The following PLCB1 variants were observed in gnomAD, a reference collection of about 807,000 sequenced individuals.
PLCB1 encodes the protein phospholipase C beta 1.
Under a neutral mutation model 161.8 loss-of-function variants are expected in PLCB1, and 46 were observed. The ratio of observed to expected loss-of-function variants is 0.28; its 90% CI spans 0.22 to 0.36. The LOEUF is 0.36. Ranked by LOEUF, PLCB1 falls within the 10% of genes least tolerant of loss-of-function variation. The pLI is 1.00. For synonymous variants in PLCB1, 517 were observed against 503.7 expected, an observed-to-expected ratio of 1.03 and a Z score of -0.35; for missense variants, 1,016 against 1,472.5, an observed-to-expected ratio of 0.69 and a Z score of 5.07.
intron 2 of PLCB1, among the ~76,000 whole-genome samples, chr20:8,222,039 T>C (rs1246142346): frequency 1.3e-5 from 2 of 152,202 alleles, no homozygotes; most frequent in Non-Finnish European, 2.9e-5. Flanking sequence ...TACATGCTTC[T>C]TGGTTCCATA....
chr20:8,374,386 T>C (rs1987003767), intron 3 of PLCB1, among the ~76,000 whole-genome samples: 1 of 152,204 alleles, frequency 6.6e-6, no homozygotes, highest in Non-Finnish European at 1.5e-5. Flanking sequence ...TAAACCTCTT[T>C]GTTTTGTAAA....
Position 8,132,761 on chromosome 20 carries a change from G to A in PLCB1, c.99+11G>A. 6.3e-7 allele frequency: 1 copy of A among 1,595,786 alleles called. No homozygotes were observed. The highest frequency in any genetic ancestry group is 8.6e-7 in the Non-Finnish European group (1 of 1,164,576). On this transcript the variant is annotated intron_variant, in intron 1 of 31. Transcript: ENST00000338037. The surrounding 1 kb of genome is among the most constrained non-coding windows in gnomAD (Gnocchi z 5.2). ...GTCAAGTGGGATGATGTAAGTATTG[G>A]GGCGGCCCGAGTCGGGGCGCTGGCT...
rs907310040 is a variant in PLCB1, at chr20:8,320,853, AAGAG to A, written c.178-50523_178-50520del. ...AGAGAGGGAGGGAGGGAGGGAGGGA[AAGAG>A]AGAGAAAGAAAAGAAAGAAAAAGGA... On this transcript the variant is annotated intron_variant, in intron 2 of 31. Transcript: ENST00000338037. 1.5e-4 allele frequency among the ~76,000 whole-genome samples: 23 copies of A among 148,436 alleles called. 1 individual carries two copies. The highest frequency in any genetic ancestry group is 4.8e-4 in the African/African-American group (19 of 39,822).
intron 31 of PLCB1, among the ~76,000 whole-genome samples, chr20:8,837,290 G>A (rs992135821): frequency 3.3e-5 from 5 of 152,106 alleles, no homozygotes; most frequent in Admixed American, 3.3e-4. Flanking sequence ...GACGTACAAA[G>A]TGCAACTCAT....
At chr20:8,310,067 C>T (rs1296073823) in intron 2 of PLCB1, among the ~76,000 whole-genome samples, 1 of 150,666 alleles carries the variant, frequency 6.6e-6, no homozygotes, top group Non-Finnish European at 1.5e-5. Flanking sequence ...TCAAACATTT[C>T]AGTGATTAAA....
intron 3 of PLCB1, among the ~76,000 whole-genome samples, chr20:8,504,645 A>G (rs762337385): frequency 6.6e-6 from 1 of 151,904 alleles, no homozygotes; most frequent in Non-Finnish European, 1.5e-5. Context: ...TTTTCCTCTG[A>G]CCTCACCCTA....
At chr20:8,679,524 T>C (rs1288542009) in intron 9 of PLCB1, among the ~76,000 whole-genome samples, 1 of 152,224 alleles carries the variant, frequency 6.6e-6, no homozygotes, top group East Asian at 1.9e-4. Context: ...TGAGTGTCAC[T>C]GGATACACTT....
chr20:8,813,963 C>T (rs1984956680), intron 31 of PLCB1, among the ~76,000 whole-genome samples: 2 of 152,172 alleles, frequency 1.3e-5, no homozygotes, highest in Admixed American at 1.3e-4. Flanking sequence ...CAGCAAGGGT[C>T]CAGTGTGAAT....
chr20:8,261,117 T>C (rs908354370), intron 2 of PLCB1, among the ~76,000 whole-genome samples: 1 of 152,110 alleles, frequency 6.6e-6, no homozygotes, highest in Admixed American at 6.6e-5. Context: ...ACTGCCCCCT[T>C]CTGCTTCTCT....
intron 2 of PLCB1, among the ~76,000 whole-genome samples, chr20:8,356,722 C>G (rs1342029529): frequency 6.6e-6 from 1 of 152,062 alleles, no homozygotes; most frequent in Non-Finnish European, 1.5e-5. Context: ...ATTTATCTGA[C>G]TTGAAATTGA....
intron 2 of PLCB1, among the ~76,000 whole-genome samples, chr20:8,180,571 G>A (rs1411700456): frequency 6.6e-6 from 1 of 152,104 alleles, no homozygotes; most frequent in Non-Finnish European, 1.5e-5. Flanking sequence ...GTTGAATTTG[G>A]TTGAATTTGG....
chr20:8,172,832 C>T (rs1281045544), intron 2 of PLCB1, among the ~76,000 whole-genome samples: 1 of 152,140 alleles, frequency 6.6e-6, no homozygotes, highest in Non-Finnish European at 1.5e-5. Flanking sequence ...GCATCAGGAC[C>T]AGAGAAGCAG....
At chr20:8,848,587 T>C (rs1322222891) in intron 31 of PLCB1, among the ~76,000 whole-genome samples, 3 of 152,244 alleles carry the variant, frequency 2.0e-5, no homozygotes, top group Non-Finnish European at 2.9e-5. Flanking sequence ...ATATTTCTTA[T>C]ATCACATCTG....
intron 3 of PLCB1, among the ~76,000 whole-genome samples, chr20:8,555,112 C>T (rs1985908437): frequency 6.6e-6 from 1 of 151,962 alleles, no homozygotes; most frequent in African/African-American, 2.4e-5. Context: ...GTCTATTTTT[C>T]AGAGTTCTGA....
At chr20:8,259,898 A>G (rs1479284049) in intron 2 of PLCB1, among the ~76,000 whole-genome samples, 1 of 152,088 alleles carries the variant, frequency 6.6e-6, no homozygotes, top group Non-Finnish European at 1.5e-5. Context: ...ATTTTCCTGA[A>G]GTTGAATCTA....
In PLCB1 at chr20:8,831,908, CTTTCTCTT is replaced by C. The variant is rs1568616931; in HGVS notation, c.3423+41649_3423+41656del. ...TTTCTCTTTCTTTCTCCCTCTCTTT[CTTTCTCTT>C]TCTTTCTTTCTTTCTTTCTTTCTTT... On this transcript the variant is annotated intron_variant, in intron 31 of 31. Transcript: ENST00000338037. Among the ~76,000 whole-genome samples, 112 of 72,036 alleles carry C rather than the reference CTTTCTCTT, an allele frequency of 1.6e-3. 1 individual carries two copies. Among genetic ancestry groups the C allele is most frequent in the African/African-American group, 4.5e-3 (104 of 23,236 alleles). The allele number at this position is 72,036 out of a possible 152,430, so 47.3% of individuals were successfully genotyped here.
intron 2 of PLCB1, among the ~76,000 whole-genome samples, chr20:8,223,147 A>G (rs944746263): frequency 8.5e-5 from 13 of 152,190 alleles, no homozygotes; most frequent in African/African-American, 2.9e-4. Context: ...TATGTCCCAT[A>G]TAAGGACCTG....
intron 3 of PLCB1, among the ~76,000 whole-genome samples, chr20:8,386,331 G>A (rs991348903): frequency 7.2e-5 from 11 of 152,176 alleles, no homozygotes; most frequent in African/African-American, 2.7e-4. Flanking sequence ...CTACAGAATG[G>A]ATGCGTTAGC....
chr20:8,813,155 C>A (rs1984913760), intron 31 of PLCB1, among the ~76,000 whole-genome samples: 1 of 152,180 alleles, frequency 6.6e-6, no homozygotes, highest in Non-Finnish European at 1.5e-5. Context: ...AACAAACAGT[C>A]TCATGAACAT....
Sources: gnomAD v4.1 joint callset for allele counts (sites outside exome capture counted in the v4.1 genomes callset) on GRCh38, gnomAD v4.1.1 for gene constraint, Gnocchi (gnomAD v3.1) non-coding constraint, MANE v1.5 for transcripts, NCBI Gene and HGNC (gene_info 2026-07-23, HGNC 2026-07-21) for gene names.